Variants in LCN12 observed in about 807,000 individuals in gnomAD.
The protein encoded by LCN12 is epididymal-specific lipocalin-12.
Under a neutral mutation model 23.7 loss-of-function variants are expected in LCN12, and 15 were observed. The observed-to-expected ratio is 0.63, with a 90% CI of 0.42 to 0.97. The LOEUF (loss-of-function observed/expected upper bound fraction) is 0.97. Among genes scored for constraint, LCN12 ranks in the 50% least tolerant of loss-of-function variants. The pLI, the probability that LCN12 is intolerant of heterozygous loss-of-function variation, is 0.00. For synonymous variants in LCN12, 116 were observed against 111.5 expected (o/e 1.04, Z -0.25); for missense variants, 219 against 249.6 (o/e 0.88, Z 0.83).
chr9:136,950,589 G>A (rs1300278679), upstream of LCN12, among the ~76,000 whole-genome samples: 1 of 152,238 alleles, frequency 6.6e-6, no homozygotes, highest in Non-Finnish European at 1.5e-5. Flanking sequence ...GGCTCCGGGA[G>A]GGGTGCCTGC....
intron 1 of LCN12, chr9:136,952,662 G>GCTT (rs1851188400): frequency 3.2e-6 from 2 of 634,066 alleles, no homozygotes; most frequent in Admixed American, 2.9e-5. Flanking sequence ...CCCTCTGTGC[G>GCTT]TGAGGGGAAA....
chr9:136,954,994 C>G (rs1851289707), intron 5 of LCN12: 1 of 1,340,732 alleles, frequency 7.5e-7, no homozygotes, highest in Non-Finnish European at 9.6e-7. Flanking sequence ...ACACACACGC[C>G]ACTCACACTG....
intron 5 of LCN12, 165 bp from the exon 6 acceptor site, chr9:136,955,206 C>G: frequency 7.0e-7 from 1 of 1,423,952 alleles, no homozygotes; most frequent in Non-Finnish European, 9.2e-7. Context: ...TTCTCAGCCT[C>G]CCTCACCCCA....
At chr9:136,953,104 T>G in intron 2 of LCN12, 76 bp downstream of exon 2, 1 of 1,583,418 alleles carries the variant, frequency 6.3e-7, no homozygotes, top group Non-Finnish European at 8.6e-7. Context: ...GTGGCTCAGG[T>G]GCGCCATGGG....
chr9:136,955,272 A>G, intron 5 of LCN12, 99 bp from the exon 6 acceptor site: 1 of 1,520,986 alleles, frequency 6.6e-7, no homozygotes, highest in East Asian at 2.4e-5. Context: ...TTCTCACCTG[A>G]AGCCACCTGC....
intron 5 of LCN12, 169 bp downstream of exon 5, chr9:136,954,424 A>G: frequency 3.5e-6 from 3 of 845,736 alleles, no homozygotes; most frequent in Non-Finnish European, 5.8e-6. Flanking sequence ...CCAGGCTCTG[A>G]GCCACCTCCT....
rs933171657 is a variant in LCN12 at position 136,954,985 on chromosome 9, C to T, written c.551-386C>T. ...GCCTCCACATGCGAACACCCACTTA[C>T]ACACACGCCACTCACACTGGCACAC... is the stretch of plus-strand genomic sequence containing the variant. On this transcript the variant is annotated intron_variant, in intron 5 of 5. Transcript: ENST00000371633. The T allele has an allele frequency of 8.3e-6, 11 of 1,325,742 alleles. No homozygotes were observed. In the Admixed American group the frequency reaches 2.8e-4, roughly 34 times the overall value. The allele number at this position is 1,325,742 out of a possible 1,614,324, so 82.1% of individuals were successfully genotyped here.
At chr9:136,953,562 A>G in intron 2 of LCN12, 138 bp from the exon 3 acceptor site, 1 of 613,834 alleles carries the variant, frequency 1.6e-6, no homozygotes, top group Non-Finnish European at 2.9e-6. Flanking sequence ...ATAGTTAGAC[A>G]CCATCTCCAC....
At chr9:136,949,864 A>G (rs1588470209), upstream of LCN12, among the ~76,000 whole-genome samples, 1 of 152,102 alleles carries the variant, frequency 6.6e-6, no homozygotes, top group Non-Finnish European at 1.5e-5. Flanking sequence ...CCCGCCTCTC[A>G]AGGACGCCTT....
At chr9:136,950,262 T>TG (rs1219126008), upstream of LCN12, among the ~76,000 whole-genome samples, 1 of 151,816 alleles carries the variant, frequency 6.6e-6, no homozygotes, top group Non-Finnish European at 1.5e-5. Flanking sequence ...GCAGGGGACG[T>TG]GGGGGGCACA....
upstream of LCN12, among the ~76,000 whole-genome samples, chr9:136,951,837 G>C (rs1336504430): frequency 6.6e-6 from 1 of 152,272 alleles, no homozygotes; most frequent in Non-Finnish European, 1.5e-5. Context: ...GCAGGGTGGG[G>C]GTAGGGGGGC....
chr9:136,950,249 C>G (rs1404041496), upstream of LCN12, among the ~76,000 whole-genome samples: 1 of 152,184 alleles, frequency 6.6e-6, no homozygotes, highest in Non-Finnish European at 1.5e-5. Flanking sequence ...CCGGGAGGCT[C>G]CTGCAGGGGA....
At position 136,953,970 on chromosome 9, in the gene LCN12, C is replaced by A. The variant is rs374831606; in HGVS notation, c.448+6C>A. The A allele has an allele frequency of 8.3e-4, 1,333 of 1,606,930 alleles. 1 individual carries two copies. Among genetic ancestry groups the A allele is most frequent in the Non-Finnish European group, 1.1e-3 (1,278 of 1,179,104 alleles). Reference sequence around the variant, plus strand: ...CCTCAGGATCAGCCTGCTGGGTGAGCCTCCCACCCCGTCCTGGGCCCGTGT... The same window carrying A: ...CCTCAGGATCAGCCTGCTGGGTGAGACTCCCACCCCGTCCTGGGCCCGTGT... On this transcript the variant is annotated splice_donor_region_variant and intron_variant, in intron 4 of 5. Coordinates refer to ENST00000371633, the MANE Select transcript of LCN12 (RefSeq NM_178536.4).
chr9:136,950,938 C>T (rs79436072), upstream of LCN12, among the ~76,000 whole-genome samples: 4 of 142,048 alleles, frequency 2.8e-5, no homozygotes, highest in East Asian at 7.8e-4. Context: ...GAGCCTAAGT[C>T]CCTTGTAAGC....
chr9:136,952,936 C>T lies in LCN12; in HGVS notation c.159C>T (p.Phe53=). 2 of 1,609,946 alleles carry T rather than the reference C, an allele frequency of 1.2e-6. No homozygotes were observed. The highest frequency in any genetic ancestry group is 1.7e-6 in the Non-Finnish European group (2 of 1,177,534). ...WFVLGLAGNS[F]RPEHRALLNA... ...TCCTGGGCCTGGCGGGCAACAGCTTCAGGCCGGAGCACAGGGCGCTGCTGA... is the reference window on the plus strand; with the variant it reads ...TCCTGGGCCTGGCGGGCAACAGCTTTAGGCCGGAGCACAGGGCGCTGCTGA... The change falls in exon 2 of 6, where the codon TTC becomes TTT. Residue 53 remains phenylalanine, a synonymous_variant. Transcript: ENST00000371633.
rs754401667 is a variant in LCN12 at position 136,955,414 on chromosome 9, C to T, written c.*15C>T. 3 of 1,612,382 alleles carry T rather than the reference C, an allele frequency of 1.9e-6. No homozygotes were observed. The South Asian group carries it at 3.3e-5, about 18-fold the overall frequency. Reference sequence around the variant, plus strand: ...GCGTCTGTTGAAGGATGAAGCAGCTCCTGTCCGGCCCAGCCCTGCCTCACA... The same window carrying T: ...GCGTCTGTTGAAGGATGAAGCAGCTTCTGTCCGGCCCAGCCCTGCCTCACA... On this transcript the variant is annotated 3_prime_UTR_variant, in exon 6 of 6. Coordinates refer to ENST00000371633, the MANE Select transcript of LCN12 (RefSeq NM_178536.4).
intron 5 of LCN12, chr9:136,955,012 T>G: frequency 7.3e-7 from 1 of 1,362,732 alleles, no homozygotes; most frequent in Non-Finnish European, 9.5e-7. Flanking sequence ...CTGGCACACA[T>G]GCTGTCTACC....
rs1290226867 is a variant in LCN12 at position 136,952,990 on chromosome 9, T to A, written c.213T>A (p.Ser71Arg). 3 of 1,613,824 alleles carry A rather than the reference T, an allele frequency of 1.9e-6. No homozygotes were observed. The highest frequency in any genetic ancestry group is 2.5e-6 in the Non-Finnish European group (3 of 1,179,978). ...CTTTCACCGCAACTTTTGAGCTAAGTGATGATGGCCGCTTTGAGGTGTGGA... is the reference window on the plus strand; with the variant it reads ...CTTTCACCGCAACTTTTGAGCTAAGAGATGATGGCCGCTTTGAGGTGTGGA... Reference protein sequence around the residue: ...LNAFTATFELSDDGRFEVWNA... With the variant: ...LNAFTATFELRDDGRFEVWNA... Residue 71 changes from serine to arginine, a missense_variant, in exon 2 of 6, where the codon AGT becomes AGA. By Grantham distance (110) the Ser-to-Arg change is moderately radical. Transcript: ENST00000371633.
At chr9:136,952,527 G>A in intron 1 of LCN12, 86 bp downstream of exon 1, 2 of 958,534 alleles carry the variant, frequency 2.1e-6, no homozygotes, top group Non-Finnish European at 3.2e-6. Flanking sequence ...TGGGGATGCT[G>A]CCCAGAGAGC....
Sources: allele counts gnomAD v4.1 joint callset (sites outside exome capture counted in the v4.1 genomes callset), GRCh38; gene constraint gnomAD v4.1.1; transcripts MANE v1.5; gene names NCBI Gene and HGNC (gene_info 2026-07-23, HGNC 2026-07-21).